Variants in IMMP2L observed in about 807,000 individuals in gnomAD.
The protein encoded by IMMP2L is inner mitochondrial membrane peptidase subunit 2.
A neutral mutation model predicts 19.3 loss-of-function variants in IMMP2L; 18 were observed. The ratio of observed to expected loss-of-function variants is 0.93; its 90% CI spans 0.64 to 1.38. The LOEUF (loss-of-function observed/expected upper bound fraction) is 1.38, where lower values mean the gene tolerates loss of function less well. Among genes scored for constraint, IMMP2L ranks in the 40% most tolerant of loss-of-function variants. The probability of loss-of-function intolerance (pLI) is 0.00; values close to 1 mark genes in which losing one functional copy is unlikely to be tolerated. For synonymous variants in IMMP2L, 76 were observed against 73.0 expected (o/e 1.04, Z -0.21); for missense variants, 233 against 218.2 (o/e 1.07, Z -0.43).
At chr7:110,719,570 T>C (rs764348349) in intron 5 of IMMP2L, among the ~76,000 whole-genome samples, 2 of 152,224 alleles carry the variant, frequency 1.3e-5, no homozygotes, top group Non-Finnish European at 2.9e-5. Context: ...TGTTTAGCAC[T>C]GTACAAATTG....
At chr7:111,058,684 T>C (rs1441555897) in intron 3 of IMMP2L, among the ~76,000 whole-genome samples, 6 of 152,186 alleles carry the variant, frequency 3.9e-5, no homozygotes, top group African/African-American at 1.4e-4. Flanking sequence ...TATATCAGCA[T>C]ATAGAAACCC....
intron 3 of IMMP2L, among the ~76,000 whole-genome samples, chr7:111,173,578 G>A (rs933217365): frequency 9.9e-5 from 15 of 151,592 alleles, no homozygotes; most frequent in South Asian, 4.1e-4. Flanking sequence ...CTATACACTC[G>A]TTCTTTTTCT....
intron 5 of IMMP2L, among the ~76,000 whole-genome samples, chr7:110,668,121 C>T (rs1376612759): frequency 1.3e-5 from 2 of 151,426 alleles, no homozygotes; most frequent in African/African-American, 4.9e-5. Context: ...TTTTTAAAGT[C>T]TCCTCACCCC....
intron 3 of IMMP2L, among the ~76,000 whole-genome samples, chr7:111,179,970 C>A (rs912632613): frequency 2.0e-5 from 3 of 151,790 alleles, no homozygotes; most frequent in African/African-American, 7.3e-5. Context: ...TCGGGCTTCA[C>A]AGAATTGAAG....
intron 3 of IMMP2L, among the ~76,000 whole-genome samples, chr7:111,079,415 C>T (rs2129576241): frequency 6.6e-6 from 1 of 152,274 alleles, no homozygotes. Flanking sequence ...CCGCGCCCGG[C>T]CTAATTTTTT....
chr7:111,448,936 C>T (rs1251314531), intron 3 of IMMP2L, among the ~76,000 whole-genome samples: 11,745 of 144,582 alleles, frequency 0.081, 539 homozygotes, highest in African/African-American at 0.13. Flanking sequence ...GACACCTCTA[C>T]GCAAATAAAC....
intron 3 of IMMP2L, among the ~76,000 whole-genome samples, chr7:111,187,510 T>G (rs1384408229): frequency 6.6e-6 from 1 of 152,120 alleles, no homozygotes; most frequent in African/African-American, 2.4e-5. Flanking sequence ...AACCACTATA[T>G]TATAGTTAGT....
At chr7:111,212,160 G>GTCTCTA (rs547851990) in intron 3 of IMMP2L, among the ~76,000 whole-genome samples, 2 of 151,674 alleles carry the variant, frequency 1.3e-5, no homozygotes, top group South Asian at 2.1e-4. Flanking sequence ...CTCTCTCTCT[G>GTCTCTA]TCTCTATCTC....
At chr7:110,713,220 G>C (rs955731254) in intron 5 of IMMP2L, among the ~76,000 whole-genome samples, 4 of 152,106 alleles carry the variant, frequency 2.6e-5, no homozygotes, top group African/African-American at 9.7e-5. Context: ...GATGGCTGTA[G>C]GTATACAGTT....
In IMMP2L at chr7:111,213,151, T is replaced by C. The variant is rs1157666387; in HGVS notation, c.240-249586A>G. On this transcript the variant is annotated intron_variant, in intron 3 of 5. Transcript: ENST00000405709. The surrounding 1 kb of genome is among the most constrained non-coding windows in gnomAD (Gnocchi z 4.8). The stretch of plus-strand genomic sequence containing the variant: ...CTGTCTCTGCAGGCTCAGAGGTGCC[T>C]GCTGTCACTGCCTCGCCTCTCCTTG... Among the ~76,000 whole-genome samples the C allele has an allele frequency of 6.6e-6, 1 of 152,232 alleles. No individual in the cohort carries two copies. The highest frequency in any genetic ancestry group is 1.9e-4 in the East Asian group (1 of 5,194).
intron 3 of IMMP2L, among the ~76,000 whole-genome samples, chr7:111,327,350 C>G (rs1333376168): frequency 6.6e-6 from 1 of 151,600 alleles, no homozygotes; most frequent in Non-Finnish European, 1.5e-5. Context: ...CTCATTTAAC[C>G]TGCTTTATGA....
At chr7:110,823,068 T>C (rs189358904) in intron 5 of IMMP2L, among the ~76,000 whole-genome samples, 1 of 152,118 alleles carries the variant, frequency 6.6e-6, no homozygotes, top group Non-Finnish European at 1.5e-5. Flanking sequence ...TTTATGAACA[T>C]GACTGATGGA....
intron 3 of IMMP2L, among the ~76,000 whole-genome samples, chr7:110,974,386 A>T (rs907905208): frequency 2.1e-4 from 32 of 152,186 alleles, no homozygotes; most frequent in African/African-American, 7.2e-4. Flanking sequence ...CTTTGGAATG[A>T]CCACATGGAT....
intron 5 of IMMP2L, among the ~76,000 whole-genome samples, chr7:110,673,152 C>T (rs1792040284): frequency 6.6e-6 from 1 of 152,232 alleles, no homozygotes; most frequent in Non-Finnish European, 1.5e-5. Flanking sequence ...TCCCAAACCT[C>T]AATTCTTGAC....
intron 5 of IMMP2L, among the ~76,000 whole-genome samples, chr7:110,666,860 G>A (rs1791494831): frequency 6.6e-6 from 1 of 152,168 alleles, no homozygotes; most frequent in Admixed American, 6.5e-5. Context: ...AAATTAAGAT[G>A]TCTGTGTAAT....
At chr7:111,145,796 A>C (rs1260243609) in intron 3 of IMMP2L, among the ~76,000 whole-genome samples, 1 of 152,148 alleles carries the variant, frequency 6.6e-6, no homozygotes, top group Non-Finnish European at 1.5e-5. Context: ...GGAGAAAAAC[A>C]ATGTGTATAA....
At position 110,846,040 on chromosome 7, in the gene IMMP2L, T is replaced by C. The variant is rs1465670436; in HGVS notation, c.408+40553A>G. ...TCTGTTGATTCTAAGTTTCCTAGTT[T>C]ATGGTATTTTGTTATAGTAGCCCAA... is the stretch of plus-strand genomic sequence containing the variant. On this transcript the variant is annotated intron_variant, in intron 5 of 5. Coordinates refer to ENST00000405709, the MANE Select transcript of IMMP2L (RefSeq NM_032549.4). Among the ~76,000 whole-genome samples, 6 of 152,270 alleles carry C rather than the reference T, an allele frequency of 3.9e-5. No individual in the cohort carries two copies. In the East Asian group the frequency reaches 1.2e-3, roughly 29 times the overall value.
intron 3 of IMMP2L, among the ~76,000 whole-genome samples, chr7:111,295,984 T>C (rs972608997): frequency 4.1e-5 from 3 of 72,540 alleles, no homozygotes; most frequent in African/African-American, 3.0e-4. Context: ...AGAAAGAATG[T>C]TAAAAAAAAA....
intron 3 of IMMP2L, among the ~76,000 whole-genome samples, chr7:111,054,010 A>C (rs919993574): frequency 4.7e-5 from 7 of 150,012 alleles, no homozygotes; most frequent in African/African-American, 1.7e-4. Context: ...TACCATGAGA[A>C]GAATCAATGA....
Sources: gnomAD v4.1 joint callset for allele counts (sites outside exome capture counted in the v4.1 genomes callset) on GRCh38, gnomAD v4.1.1 for gene constraint, Gnocchi (gnomAD v3.1) non-coding constraint, MANE v1.5 for transcripts, NCBI Gene and HGNC (gene_info 2026-07-23, HGNC 2026-07-21) for gene names.